The following ARHGAP8 variants were observed in gnomAD, a reference collection of about 807,000 sequenced individuals.
ARHGAP8 encodes the protein Rho GTPase activating protein 8, also known as rho GTPase-activating protein 8.
ARHGAP8 carries 62 observed loss-of-function variants against 46.1 expected under a neutral mutation model. That is an observed-to-expected ratio of 1.34 (90% CI 1.10 to 1.66). The LOEUF (loss-of-function observed/expected upper bound fraction) is 1.66. Ranked by LOEUF, ARHGAP8 falls within the 40% of genes most tolerant of loss-of-function variation. ARHGAP8 has a pLI of 0.00. For synonymous variants in ARHGAP8, 375 were observed against 243.1 expected (o/e 1.54, Z -5.05); for missense variants, 923 against 568.4 (o/e 1.62, Z -6.34).
At chr22:44,851,893 A>G (rs771825284) in intron 10 of ARHGAP8, among the ~76,000 whole-genome samples, 8 of 151,998 alleles carry the variant, frequency 5.3e-5, no homozygotes, top group Non-Finnish European at 1.0e-4. Flanking sequence ...AAGAAAGAAA[A>G]GAAATAAAGA....
Position 44,831,112 on chromosome 22 carries a change from G to A in ARHGAP8, c.596+5519G>A, listed in dbSNP as rs1002730323. Among the ~76,000 whole-genome samples the A allele has an allele frequency of 4.6e-5, 7 of 152,310 alleles. 1 individual carries two copies. Among genetic ancestry groups the A allele is most frequent in the Non-Finnish European group, 1.5e-5 (1 of 68,032 alleles). The stretch of plus-strand genomic sequence containing the variant: ...TTGCAGATGTTTTCTTCCGTCCTAT[G>A]TGTTGTCTTTACACCTTTTGATGGT... On this transcript the variant is annotated intron_variant, in intron 7 of 11. Coordinates refer to ENST00000356099, the MANE Select transcript of ARHGAP8 (RefSeq NM_181335.3).
intron 10 of ARHGAP8, among the ~76,000 whole-genome samples, chr22:44,857,596 AG>A (rs1240695408): frequency 1.3e-5 from 2 of 152,090 alleles, no homozygotes; most frequent in Non-Finnish European, 2.9e-5. Flanking sequence ...CGGACAGGGG[AG>A]TGAGCCTGGG....
At chr22:44,844,035 G>A (rs974110864) in intron 7 of ARHGAP8, among the ~76,000 whole-genome samples, 1 of 152,058 alleles carries the variant, frequency 6.6e-6, no homozygotes, top group Non-Finnish European at 1.5e-5. Context: ...GCAGTGGTGC[G>A]ATCTTGGCTC....
chr22:44,815,849 C>T (rs189860951), intron 5 of ARHGAP8, among the ~76,000 whole-genome samples: 9 of 148,850 alleles, frequency 6.0e-5, no homozygotes, highest in East Asian at 2.0e-4. Context: ...AGCCACATGA[C>T]GGGGGTGGGG....
intron 3 of ARHGAP8, among the ~76,000 whole-genome samples, chr22:44,806,925 C>G (rs1354141690): frequency 1.3e-5 from 2 of 150,900 alleles, no homozygotes; most frequent in African/African-American, 4.9e-5. Flanking sequence ...GATCACACCA[C>G]TGCACTCCAG....
At chr22:44,848,474 G>A (rs922728059) in intron 9 of ARHGAP8, among the ~76,000 whole-genome samples, 6 of 152,236 alleles carry the variant, frequency 3.9e-5, no homozygotes, top group Non-Finnish European at 7.3e-5. Context: ...TTGCACTGAC[G>A]CTAATGAAGG....
intron 4 of ARHGAP8, among the ~76,000 whole-genome samples, chr22:44,813,561 CCTA>C (rs1293699797): frequency 6.6e-6 from 1 of 151,804 alleles, no homozygotes; most frequent in Non-Finnish European, 1.5e-5. Context: ...TACACATACA[CCTA>C]CATACAACTA....
intron 11 of ARHGAP8, 90 bp from the exon 12 acceptor site, chr22:44,862,185 C>T (rs2070523749): frequency 1.3e-6 from 2 of 1,482,966 alleles, no homozygotes; most frequent in Non-Finnish European, 9.1e-7. Context: ...TCTCACTACA[C>T]CTACGCCTCT....
chr22:44,860,739 C>T (rs3830110), intron 11 of ARHGAP8, among the ~76,000 whole-genome samples: 63,841 of 139,614 alleles, frequency 0.46, 13,668 homozygotes, highest in East Asian at 0.6. Context: ...CCATTTGGAG[C>T]AAAAACCTGT....
intron 10 of ARHGAP8, among the ~76,000 whole-genome samples, chr22:44,851,651 A>G (rs932426490): frequency 3.3e-5 from 5 of 152,054 alleles, no homozygotes; most frequent in Non-Finnish European, 5.9e-5. Flanking sequence ...CCAGCCTGGG[A>G]AACATAGTGA....
intron 1 of ARHGAP8, among the ~76,000 whole-genome samples, chr22:44,778,075 G>A (rs552499156): frequency 9.9e-5 from 15 of 151,504 alleles, no homozygotes; most frequent in Non-Finnish European, 2.1e-4. Flanking sequence ...AGGTGGTGTG[G>A]CTACATGAGT....
rs565896716 is a variant in ARHGAP8 at position 44,825,548 on chromosome 22, C to T, written c.551C>T (p.Pro184Leu). The part of the protein sequence containing the change: ...RTPPPTKTPP[P>L]RPPLPTQQFG... ...CCGCCTCCCACCAAGACACCACCGC[C>T]GCGGCCCCCGCTGCCCACACAGCAG... Residue 184 changes from proline (P) to leucine (L), a missense_variant, in exon 7 of 12, where the codon CCG becomes CTG. Transcript: ENST00000356099. The T allele has an allele frequency of 1.2e-5, 20 of 1,613,418 alleles. No individual in the cohort carries two copies. In the Admixed American group the frequency reaches 2.0e-4, roughly 16 times the overall value.
intron 6 of ARHGAP8, among the ~76,000 whole-genome samples, chr22:44,824,238 G>A (rs796385404): frequency 4.6e-5 from 7 of 152,298 alleles, no homozygotes; most frequent in African/African-American, 1.7e-4. Flanking sequence ...CTGTAAAGTA[G>A]ACAAAATAAC....
rs1330616015 is a variant in ARHGAP8, at chr22:44,845,298, T to G, written c.626T>G (p.Ile209Ser). The G allele has an allele frequency of 6.2e-7, 1 of 1,613,944 alleles. No homozygotes were observed. Among genetic ancestry groups the G allele is most frequent in the East Asian group, 2.2e-5 (1 of 44,868 alleles). ...AAAGACAAAAATCAAGGCGAACTCA[T>G]CCCCCCTGTGCTGAGGTTCACAGTG... ...YLKDKNQGEL[I>S]PPVLRFTVTY... The change falls in exon 8 of 12, where the codon ATC becomes AGC. Residue 209 changes from isoleucine to serine, a missense_variant. Physicochemically the swap from Ile to Ser is moderately radical, Grantham distance 142. Coordinates refer to ENST00000356099, the MANE Select transcript of ARHGAP8 (RefSeq NM_181335.3).
Position 44,813,396 on chromosome 22 carries a change from A to G in ARHGAP8, c.300-1276A>G, listed in dbSNP as rs1026919839. Among the ~76,000 whole-genome samples, 3 of 142,900 alleles carry G rather than the reference A, an allele frequency of 2.1e-5. No individual in the cohort carries two copies. In the East Asian group the frequency reaches 6.4e-4, roughly 30 times the overall value. 93.7% of individuals were successfully genotyped at this position (142,900 alleles called of 152,430 possible). On this transcript the variant is annotated intron_variant, in intron 4 of 11. Coordinates refer to ENST00000356099, the MANE Select transcript of ARHGAP8 (RefSeq NM_181335.3). ...ACACATACCCACCTACAGTACATAC[A>G]CCCACATACAGACACCTACATGTAC...
intron 7 of ARHGAP8, among the ~76,000 whole-genome samples, chr22:44,839,354 A>G (rs1258415678): frequency 1.3e-5 from 2 of 152,224 alleles, no homozygotes; most frequent in African/African-American, 2.4e-5. Flanking sequence ...CAAAATTGCC[A>G]TGAAACCAAA....
At chr22:44,798,585 G>C (rs1277440977) in intron 2 of ARHGAP8, among the ~76,000 whole-genome samples, 1 of 150,038 alleles carries the variant, frequency 6.7e-6, no homozygotes, top group African/African-American at 2.5e-5. Context: ...CACAGGGTTA[G>C]AGGTGGACTG....
chr22:44,802,033 TAGG>T, intron 2 of ARHGAP8, 41 bp from the exon 3 acceptor site: 1 of 1,607,810 alleles, frequency 6.2e-7, no homozygotes, highest in Non-Finnish European at 8.5e-7. Flanking sequence ...GAGGATTTTC[TAGG>T]AGAAGGTGGC....
intron 1 of ARHGAP8, among the ~76,000 whole-genome samples, chr22:44,766,351 A>G (rs1355466510): frequency 6.6e-6 from 1 of 151,992 alleles, no homozygotes; most frequent in Non-Finnish European, 1.5e-5. Flanking sequence ...AACTTGCTGG[A>G]GTCTGACGGC....
Sources: gnomAD v4.1 joint callset for allele counts (sites outside exome capture counted in the v4.1 genomes callset) on GRCh38, gnomAD v4.1.1 for gene constraint, MANE v1.5 for transcripts, NCBI Gene and HGNC (gene_info 2026-07-23, HGNC 2026-07-21) for gene names.